The following KLF12 variants were observed in gnomAD, a reference collection of about 807,000 sequenced individuals.
KLF12 encodes KLF transcription factor 12.
Under a neutral mutation model 37.8 loss-of-function variants are expected in KLF12, and 9 were observed. That is an observed-to-expected ratio of 0.24 (90% confidence interval 0.14 to 0.42). The LOEUF is 0.42. Among genes scored for constraint, KLF12 ranks in the 10% least tolerant of loss-of-function variants. KLF12 has a pLI of 1.00. For missense variants in KLF12, 411 were observed against 516.0 expected, an observed-to-expected ratio of 0.80 and a Z score of 1.97; for synonymous variants, 208 against 202.1, an observed-to-expected ratio of 1.03 and a Z score of -0.25.
the KLF12 span, among the ~76,000 whole-genome samples, chr13:74,244,309 C>A: frequency 1.3e-5 from 2 of 152,172 alleles, no homozygotes; most frequent in Non-Finnish European, 2.9e-5. Flanking sequence ...TGTTCCACTA[C>A]CTAAAACATT....
chr13:73,841,046 A>C (rs1184959572), intron 4 of KLF12, among the ~76,000 whole-genome samples: 2 of 152,098 alleles, frequency 1.3e-5, no homozygotes, highest in Non-Finnish European at 2.9e-5. Context: ...CAACTCCCTT[A>C]TCATGCCTTA....
chr13:74,136,606 G>A (rs1878563391), upstream of KLF12, among the ~76,000 whole-genome samples: 2 of 152,128 alleles, frequency 1.3e-5, no homozygotes, highest in African/African-American at 2.4e-5. Context: ...ATTCTATAGC[G>A]AGTGCTTCTG....
intron 1 of KLF12, among the ~76,000 whole-genome samples, chr13:73,999,374 G>A (rs1222954595): frequency 6.6e-6 from 1 of 152,152 alleles, no homozygotes; most frequent in Admixed American, 6.5e-5. Context: ...AAGCTTCTAA[G>A]ATTTCCTGGA....
intron 2 of KLF12, among the ~76,000 whole-genome samples, chr13:73,967,450 A>G (rs1891201663): frequency 6.6e-6 from 1 of 152,218 alleles, no homozygotes; most frequent in African/African-American, 2.4e-5. Context: ...TCAAGATTTT[A>G]AAAAAGAAAT....
At chr13:74,178,543 A>G in the KLF12 span, among the ~76,000 whole-genome samples, 8 of 152,240 alleles carry the variant, frequency 5.3e-5, no homozygotes, top group African/African-American at 1.4e-4. Context: ...TAGAAACACC[A>G]GAGGAGTTCC....
At chr13:73,882,957 T>C (rs1887050669) in intron 3 of KLF12, among the ~76,000 whole-genome samples, 2 of 152,230 alleles carry the variant, frequency 1.3e-5, no homozygotes, top group African/African-American at 2.4e-5. Flanking sequence ...TTCCTGTTCA[T>C]TGTATTGTTA....
chr13:74,281,680 G>C, the KLF12 span, among the ~76,000 whole-genome samples: 2 of 152,162 alleles, frequency 1.3e-5, no homozygotes, highest in Admixed American at 1.3e-4. Context: ...TACAAATTCA[G>C]TGGCTCACAT....
At chr13:74,215,597 G>A in the KLF12 span, among the ~76,000 whole-genome samples, 1 of 152,134 alleles carries the variant, frequency 6.6e-6, no homozygotes, top group East Asian at 1.9e-4. Flanking sequence ...GAACCTCTGT[G>A]TGTGCTGTTA....
the KLF12 span, among the ~76,000 whole-genome samples, chr13:74,288,709 C>T: frequency 1.3e-5 from 2 of 152,200 alleles, no homozygotes; most frequent in South Asian, 4.1e-4. Context: ...GTGCTAAAAG[C>T]CGCTCTAGAC....
chr13:74,063,444 T>C (rs1873729930), intron 1 of KLF12, among the ~76,000 whole-genome samples: 1 of 152,214 alleles, frequency 6.6e-6, no homozygotes, highest in African/African-American at 2.4e-5. Context: ...ATTAACCTTA[T>C]TTAACAACCT....
the KLF12 span, among the ~76,000 whole-genome samples, chr13:74,200,347 C>A: frequency 1.3e-5 from 2 of 151,924 alleles, no homozygotes; most frequent in African/African-American, 2.4e-5. Flanking sequence ...TAGAACTGAC[C>A]GGCTGGGGGA....
upstream of KLF12, among the ~76,000 whole-genome samples, chr13:74,134,016 A>C (rs1006052942): frequency 2.6e-5 from 4 of 152,004 alleles, no homozygotes; most frequent in African/African-American, 7.2e-5. Flanking sequence ...CGGTGGGTGG[A>C]GGCTGCCGAG....
At chr13:74,108,261 A>AC (rs1210813383) in intron 1 of KLF12, among the ~76,000 whole-genome samples, 1 of 152,092 alleles carries the variant, frequency 6.6e-6, no homozygotes, top group East Asian at 1.9e-4. Context: ...TTGTTTACTT[A>AC]GAGTCTCTTT....
chr13:74,091,249 G>A (rs760299107), intron 1 of KLF12, among the ~76,000 whole-genome samples: 1 of 152,028 alleles, frequency 6.6e-6, no homozygotes, highest in Non-Finnish European at 1.5e-5. Context: ...ACAAACATTC[G>A]AACTAAAACA....
chr13:73,768,260 T>G (rs74095563), intron 5 of KLF12, among the ~76,000 whole-genome samples: 1 of 152,172 alleles, frequency 6.6e-6, no homozygotes, highest in Non-Finnish European at 1.5e-5. Flanking sequence ...TTAACAGCTA[T>G]AAAATCTTTA....
At chr13:73,824,464 A>G (rs1883719757) in intron 4 of KLF12, among the ~76,000 whole-genome samples, 1 of 152,210 alleles carries the variant, frequency 6.6e-6, no homozygotes, top group African/African-American at 2.4e-5. Flanking sequence ...GAACAAAATT[A>G]AGTGCTGACT....
chr13:73,744,193 T>C (rs951987365), intron 6 of KLF12, among the ~76,000 whole-genome samples: 2 of 152,186 alleles, frequency 1.3e-5, no homozygotes, highest in Non-Finnish European at 2.9e-5. Flanking sequence ...TTGGGTAGCA[T>C]GGATTGGATT....
chr13:73,778,271 T>A (rs1396904241), intron 5 of KLF12, among the ~76,000 whole-genome samples: 1 of 152,242 alleles, frequency 6.6e-6, no homozygotes, highest in African/African-American at 2.4e-5. Flanking sequence ...CAGTGTTCCA[T>A]GACACTTGGC....
chr13:74,106,487 T>C (rs753776951), intron 1 of KLF12, among the ~76,000 whole-genome samples: 1 of 152,178 alleles, frequency 6.6e-6, no homozygotes, highest in Non-Finnish European at 1.5e-5. Context: ...CTCAACACTA[T>C]ACTTCAAGGT....
Sources: allele counts gnomAD v4.1 joint callset (sites outside exome capture counted in the v4.1 genomes callset), GRCh38; gene constraint gnomAD v4.1.1; transcripts MANE v1.5; gene names NCBI Gene and HGNC (gene_info 2026-07-23, HGNC 2026-07-21).